The following TXK variants were observed in gnomAD, a reference collection of about 807,000 sequenced individuals.
TXK encodes TXK tyrosine kinase, also known as tyrosine-protein kinase TXK.
In TXK, 60 loss-of-function variants were observed where a neutral mutation model predicts 81.0. The observed-to-expected ratio is 0.74, with a 90% CI of 0.60 to 0.92. The LOEUF is 0.92. Ranked by LOEUF, TXK falls within the 40% of genes least tolerant of loss-of-function variation. The pLI, the probability that TXK is intolerant of heterozygous loss-of-function variation, is 0.00. For synonymous variants in TXK, 203 were observed against 210.7 expected, an observed-to-expected ratio of 0.96 and a Z score of 0.32; for missense variants, 581 against 638.3, an observed-to-expected ratio of 0.91 and a Z score of 0.97.
At chr4:48,104,854 A>C (rs1344641255) in intron 6 of TXK, 47 bp downstream of exon 6, 2 of 1,451,512 alleles carry the variant, frequency 1.4e-6, no homozygotes, top group Non-Finnish European at 1.9e-6. Context: ...AGTCTTTATA[A>C]GTACTTCTCA....
chr4:48,088,715 TAAGTA>T (rs1560346738), intron 9 of TXK, among the ~76,000 whole-genome samples: 4 of 152,238 alleles, frequency 2.6e-5, no homozygotes, highest in Admixed American at 6.5e-5. Context: ...ATGTTTAACT[TAAGTA>T]AATTGTTAAT....
intron 8 of TXK, among the ~76,000 whole-genome samples, chr4:48,091,654 C>T (rs760944857): frequency 3.3e-5 from 5 of 152,038 alleles, no homozygotes; most frequent in South Asian, 2.1e-4. Context: ...TACAGGCATG[C>T]GCCACCATGA....
intron 1 of TXK, among the ~76,000 whole-genome samples, chr4:48,133,746 T>C (rs541659469): frequency 2.0e-5 from 3 of 152,218 alleles, no homozygotes; most frequent in Non-Finnish European, 4.4e-5. Context: ...TGTGTGTGTA[T>C]GTGTGTGTAT....
chr4:48,067,817 A>G (rs1716670562), intron 14 of TXK, 112 bp from the exon 15 acceptor site: 1 of 1,024,500 alleles, frequency 9.8e-7, no homozygotes. Context: ...GCTCGAGGTC[A>G]TCGCCAAGGT....
intron 1 of TXK, among the ~76,000 whole-genome samples, chr4:48,121,874 T>C (rs1718972223): frequency 6.6e-6 from 1 of 152,214 alleles, no homozygotes; most frequent in South Asian, 2.1e-4. Context: ...TTTATAACAA[T>C]GTGAATGTAC....
Position 48,067,708 on chromosome 4 carries a change from G to A in TXK, c.1516-3C>T, listed in dbSNP as rs9996535. ...AATGTAGGGCGGCCTTCAGGTTTCT[G>A]GAAAAGGGAAGTGGGGGTGGTTAGC... On this transcript the variant is annotated splice_polypyrimidine_tract_variant and splice_region_variant and intron_variant, in intron 14 of 14. Coordinates refer to ENST00000264316, the MANE Select transcript of TXK (RefSeq NM_003328.3). 0.52 allele frequency: 828,313 copies of A among 1,607,766 alleles called. 217,731 individuals are homozygous for A. Among genetic ancestry groups the A allele is most frequent in the Admixed American group, 0.64 (38,569 of 59,802 alleles).
At chr4:48,079,561 T>A (rs1717210147) in intron 11 of TXK, among the ~76,000 whole-genome samples, 1 of 152,146 alleles carries the variant, frequency 6.6e-6, no homozygotes, top group Non-Finnish European at 1.5e-5. Flanking sequence ...CAAGTTGTCC[T>A]TAAAAACTCT....
chr4:48,122,255 C>G (rs1352540986), intron 1 of TXK, among the ~76,000 whole-genome samples: 3 of 151,782 alleles, frequency 2.0e-5, no homozygotes, highest in African/African-American at 7.3e-5. Flanking sequence ...CCTCCTGTTC[C>G]CTCTCATCTC....
chr4:48,121,596 T>A (rs1412669671), intron 1 of TXK, among the ~76,000 whole-genome samples: 4 of 152,342 alleles, frequency 2.6e-5, no homozygotes, highest in African/African-American at 9.6e-5. Flanking sequence ...CACATATACT[T>A]TAAATCATCT....
intron 6 of TXK, among the ~76,000 whole-genome samples, chr4:48,098,692 T>C (rs1718074861): frequency 6.7e-6 from 1 of 149,944 alleles, no homozygotes; most frequent in Non-Finnish European, 1.5e-5. Flanking sequence ...CCGGACGCAG[T>C]GGCTCATGCC....
chr4:48,110,636 C>T, intron 4 of TXK, 33 bp from the exon 5 acceptor site: 1 of 1,554,458 alleles, frequency 6.4e-7, no homozygotes, highest in East Asian at 2.3e-5. Flanking sequence ...AATCAAAATG[C>T]TTGGCATGTT....
At chr4:48,096,624 C>T (rs774392238) in intron 6 of TXK, among the ~76,000 whole-genome samples, 4 of 152,194 alleles carry the variant, frequency 2.6e-5, no homozygotes, top group African/African-American at 7.2e-5. Context: ...AGGTTCAAGC[C>T]GTTCTCCTTT....
chr4:48,080,063 A>G lies in TXK; in HGVS notation c.1022T>C (p.Ile341Thr), dbSNP rs1717236242. 2.5e-6 allele frequency: 4 copies of G among 1,614,080 alleles called. No individual in the cohort carries two copies. Among genetic ancestry groups the G allele is most frequent in the Non-Finnish European group, 3.4e-6 (4 of 1,179,998 alleles). ...GVCIQRKPLY[I>T]VTEFMENGCL... Reference sequence around the variant, plus strand: ...GCCATTTTCCATGAACTCTGTCACAATGTAAAGGGGCTTCCGCTGTATACA... The same window carrying G: ...GCCATTTTCCATGAACTCTGTCACAGTGTAAAGGGGCTTCCGCTGTATACA... Residue 341 changes from isoleucine to threonine, a missense_variant, in exon 11 of 15, where the codon ATT becomes ACT. Ile to Thr is a moderately conservative substitution (Grantham distance 89). Coordinates refer to ENST00000264316, the MANE Select transcript of TXK (RefSeq NM_003328.3).
At chr4:48,070,968 G>A (rs1425190174) in intron 14 of TXK, among the ~76,000 whole-genome samples, 2 of 141,108 alleles carry the variant, frequency 1.4e-5, no homozygotes, top group African/African-American at 5.3e-5. Flanking sequence ...GCGCCATCTC[G>A]GCTCACTGCA....
intron 7 of TXK, 145 bp from the exon 8 acceptor site, chr4:48,094,349 C>T: frequency 2.3e-6 from 2 of 870,672 alleles, no homozygotes; most frequent in Non-Finnish European, 3.5e-6. Context: ...CAACAAGTGC[C>T]CCCCCATGCC....
rs560501824 is a variant in TXK, at chr4:48,094,127, G to C, written c.659C>G (p.Ala220Gly). 4.3e-6 allele frequency: 7 copies of C among 1,613,730 alleles called. No individual in the cohort carries two copies. The African/African-American group carries it at 6.7e-5, about 15-fold the overall frequency. Residue 220 changes from alanine to glycine, a missense_variant, in exon 8 of 15, where the codon GCC (alanine) becomes GGC (glycine). By Grantham distance (60) the Ala-to-Gly change is moderately conservative. Transcript: ENST00000264316. Reference protein sequence around the residue: ...SGQWYVAERHAFQSIPELIWY... With the variant: ...SGQWYVAERHGFQSIPELIWY... The stretch of plus-strand genomic sequence containing the variant: ...GATTAACTCAGGGATTGATTGAAAG[G>C]CGTGTCTTTCAGCCACATACCACTG...
chr4:48,124,522 C>T lies in TXK; in HGVS notation c.16+9633G>A, dbSNP rs148123946. 4.4e-3 allele frequency among the ~76,000 whole-genome samples: 669 copies of T among 151,766 alleles called. 3 individuals carry two copies. The highest frequency in any genetic ancestry group is 8.3e-3 in the Admixed American group (127 of 15,238). ...CTCAATAAATAACTGTTAAATAAGA[C>T]CCCACCAATATCAACACCCTTACAT... On this transcript the variant is annotated intron_variant, in intron 1 of 14. Transcript: ENST00000264316.
chr4:48,076,419 T>G lies in TXK; in HGVS notation c.1221A>C (p.Ser407=), dbSNP rs974936855. The change falls in exon 12 of 15, where the codon TCA becomes TCC. Residue 407 remains serine, a synonymous_variant. Coordinates refer to ENST00000264316, the MANE Select transcript of TXK (RefSeq NM_003328.3). The part of the protein sequence containing the change: ...LVSSTCIVKI[S]DFGMTRYVLD... Reference sequence around the variant, plus strand: ...GCATGTACCTTGTCATTCCAAAGTCTGAAATTTTTACTATGCATGTTGAAC... The same window carrying G: ...GCATGTACCTTGTCATTCCAAAGTCGGAAATTTTTACTATGCATGTTGAAC... 1.4e-5 allele frequency: 23 copies of G among 1,612,458 alleles called. No homozygotes were observed. In the Admixed American group the frequency reaches 2.7e-4, roughly 19 times the overall value.
chr4:48,084,634 T>C lies in TXK; in HGVS notation c.956+1832A>G, dbSNP rs144780444. ...GATATCTACAGGAAGCAAAGGCAGA[T>C]AGAGATAGGTGCCTGGGGCACCTAG... is the stretch of plus-strand genomic sequence containing the variant. On this transcript the variant is annotated intron_variant, in intron 10 of 14. Coordinates refer to ENST00000264316, the MANE Select transcript of TXK (RefSeq NM_003328.3). Among the ~76,000 whole-genome samples the C allele has an allele frequency of 3.5e-4, 53 of 152,272 alleles. No individual in the cohort carries two copies. The East Asian group carries it at 5.2e-3, about 15-fold the overall frequency.
Sources: gnomAD v4.1 joint callset for allele counts (sites outside exome capture counted in the v4.1 genomes callset) on GRCh38, gnomAD v4.1.1 for gene constraint, MANE v1.5 for transcripts, NCBI Gene and HGNC (gene_info 2026-07-23, HGNC 2026-07-21) for gene names.